CRHBP: variants seen among roughly 807,000 people sequenced by gnomAD.
The protein encoded by CRHBP is corticotropin releasing hormone binding protein, also known as corticotropin-releasing hormone-binding protein.
Under a neutral mutation model 34.9 loss-of-function variants are expected in CRHBP, and 19 were observed. The observed-to-expected ratio is 0.55, with a 90% CI of 0.38 to 0.80. CRHBP has a LOEUF of 0.80. Among genes scored for constraint, CRHBP ranks in the 30% least tolerant of loss-of-function variants. CRHBP has a pLI of 0.00. For synonymous variants in CRHBP, 154 were observed against 153.4 expected, an observed-to-expected ratio of 1.00 and a Z score of -0.03; for missense variants, 328 against 409.2, an observed-to-expected ratio of 0.80 and a Z score of 1.71.
intron 3 of CRHBP, among the ~76,000 whole-genome samples, chr5:76,980,171 C>T (rs2150712981): frequency 1.4e-5 from 2 of 145,422 alleles, no homozygotes; most frequent in Middle Eastern, 7.2e-3. Flanking sequence ...AGGAGAATGG[C>T]GTGAACCCGG....
At position 76,955,639 on chromosome 5, in the gene CRHBP, T is replaced by C. The variant is rs1311424719; in HGVS notation, c.334-14T>C. The stretch of plus-strand genomic sequence containing the variant: ...ATGGAAATGATAGCATCTATGTCTG[T>C]ATTTTTTTCAAAGGTATTTGATGGT... On this transcript the variant is annotated splice_polypyrimidine_tract_variant and intron_variant, in intron 3 of 6. Coordinates refer to ENST00000274368, the MANE Select transcript of CRHBP (RefSeq NM_001882.4). 3 of 1,612,930 alleles carry C rather than the reference T, an allele frequency of 1.9e-6. No homozygotes were observed. The highest frequency in any genetic ancestry group is 1.7e-6 in the Non-Finnish European group (2 of 1,179,000).
chr5:76,972,357 G>A (rs1007358132), downstream of CRHBP, among the ~76,000 whole-genome samples: 3 of 152,000 alleles, frequency 2.0e-5, no homozygotes, highest in Non-Finnish European at 2.9e-5. Context: ...AAAATTAGCC[G>A]GGCATGGAGG....
At chr5:76,973,034 A>G (rs1472632751), downstream of CRHBP, among the ~76,000 whole-genome samples, 1 of 152,226 alleles carries the variant, frequency 6.6e-6, no homozygotes, top group Non-Finnish European at 1.5e-5. Flanking sequence ...CATAGGATGC[A>G]AGAAGCCTGC....
chr5:76,953,473 A>T, intron 1 of CRHBP, 128 bp from the exon 2 acceptor site: 1 of 1,053,450 alleles, frequency 9.5e-7, no homozygotes. Flanking sequence ...TCTTCTCCGG[A>T]CACGGGAAAA....
intron 3 of CRHBP, among the ~76,000 whole-genome samples, chr5:76,977,337 A>G (rs1327343534): frequency 6.6e-6 from 1 of 152,220 alleles, no homozygotes; most frequent in East Asian, 1.9e-4. Flanking sequence ...TATGTTTTCT[A>G]CAAGTAGAAG....
intron 5 of CRHBP, among the ~76,000 whole-genome samples, chr5:76,960,411 G>A (rs887599770): frequency 2.0e-5 from 3 of 152,122 alleles, no homozygotes; most frequent in Non-Finnish European, 4.4e-5. Flanking sequence ...AGAGTGTGGT[G>A]AGCCCTGCAG....
At chr5:76,974,971 G>A (rs79068218) in intron 2 of CRHBP, among the ~76,000 whole-genome samples, 3,336 of 152,280 alleles carry the variant, frequency 0.022, 124 homozygotes, top group African/African-American at 0.077. Flanking sequence ...CTGAAAAACT[G>A]AAAACAGGAA....
Position 76,975,803 on chromosome 5 carries a change from CAAAAAAAAAAAA to C in CRHBP, n.312-550_312-539del, listed in dbSNP as rs1158363151. 7.9e-4 allele frequency among the ~76,000 whole-genome samples: 28 copies of C among 35,222 alleles called. 2 individuals are homozygous for C. Among genetic ancestry groups the C allele is most frequent in the Admixed American group, 5.9e-3 (13 of 2,218 alleles). 23.1% of individuals were successfully genotyped at this position (35,222 alleles called of 152,430 possible). A position where few individuals can be genotyped will look rare whatever the true frequency, so the allele number is the denominator to read the frequency against. Reference sequence around the variant, plus strand: ...TGGGCAACAGAGCGAGACTCTGTCTCAAAAAAAAAAAAAAAAAAAAAAATATATATATATATA... The same window carrying C: ...TGGGCAACAGAGCGAGACTCTGTCTCAAAAAAAAAAATATATATATATATA... On this transcript the variant is annotated intron_variant and non_coding_transcript_variant, in intron 2 of 3. Transcript: ENST00000514258.
chr5:76,966,546 GT>G (rs1252659994), intron 6 of CRHBP, among the ~76,000 whole-genome samples: 2 of 152,086 alleles, frequency 1.3e-5, no homozygotes, highest in Non-Finnish European at 2.9e-5. Flanking sequence ...TTTCCTTTTG[GT>G]TCAGCTTTAG....
chr5:76,960,269 C>A (rs1398442902), intron 5 of CRHBP, among the ~76,000 whole-genome samples: 1 of 152,106 alleles, frequency 6.6e-6, no homozygotes, highest in African/African-American at 2.4e-5. Flanking sequence ...TCAGAAGGAA[C>A]CAGCAGCTGT....
At position 76,955,717 on chromosome 5, in the gene CRHBP, C is replaced by T; in HGVS notation, c.398C>T (p.Ser133Leu). 1 of 1,614,224 alleles carries T rather than the reference C, an allele frequency of 6.2e-7. No individual in the cohort carries two copies. Among genetic ancestry groups the T allele is most frequent in the Non-Finnish European group, 8.5e-7 (1 of 1,180,036 alleles). ...FPSSQDHPLPSAERYIDFCES... is the reference protein window; with the variant it reads ...FPSSQDHPLPLAERYIDFCES... ...AGTTCCCAGGATCATCCTCTCCCCT[C>T]AGCTGAGCGGTACATAGATTTCTGT... Residue 133 changes from serine to leucine, a missense_variant, in exon 4 of 7, where the codon TCA (serine) becomes TTA (leucine). Ser to Leu is a moderately radical substitution (Grantham distance 145, BLOSUM62 -2). This residue lies in a region of CRHBP where 173 missense variants were observed against 172.2 expected (regional missense o/e 1.00). Coordinates refer to ENST00000274368, the MANE Select transcript of CRHBP (RefSeq NM_001882.4).
chr5:76,963,574 T>C, intron 6 of CRHBP, 114 bp downstream of exon 6: 1 of 836,802 alleles, frequency 1.2e-6, no homozygotes, highest in South Asian at 1.6e-5. Context: ...GCCTTCAATT[T>C]TTCACACTGA....
chr5:76,954,409 T>A (rs1025262396), intron 3 of CRHBP, among the ~76,000 whole-genome samples: 1 of 152,224 alleles, frequency 6.6e-6, no homozygotes, highest in Non-Finnish European at 1.5e-5. Context: ...CCAGTGGGGC[T>A]GGGGCCGGTG....
At chr5:76,953,254 C>T (rs1745598822) in intron 1 of CRHBP, 39 bp downstream of exon 1, 3 of 1,589,736 alleles carry the variant, frequency 1.9e-6, no homozygotes, top group Non-Finnish European at 2.6e-6. Flanking sequence ...ACCTTCCTTG[C>T]GTGTTAGCCC....
Position 76,954,040 on chromosome 5 carries a change from A to T in CRHBP, c.187A>T (p.Met63Leu). ...CCCTCCTCCCCCAGGGTGCCTGGAC[A>T]TGCTGAGCCTCCAGGGCCAGTTCAC... ...PYRRALRCLD[M>L]LSLQGQFTFT... Residue 63 changes from methionine to leucine, a missense_variant, in exon 3 of 7, where the codon ATG (methionine) becomes TTG (leucine). By Grantham distance (15) the Met-to-Leu change is conservative. Around this residue, in one of 3 missense-constraint regions of CRHBP, gnomAD observed 173 missense variants for 172.2 expected, o/e 1.00. Transcript: ENST00000274368. 6.2e-7 allele frequency: 1 copy of T among 1,613,424 alleles called. No homozygotes were observed. Among genetic ancestry groups the T allele is most frequent in the South Asian group, 1.1e-5 (1 of 91,044 alleles).
chr5:76,979,584 C>T (rs571646352), intron 3 of CRHBP, among the ~76,000 whole-genome samples: 58 of 152,258 alleles, frequency 3.8e-4, no homozygotes, highest in African/African-American at 1.3e-3. Context: ...CTCCTGACCT[C>T]ATGATCCGCC....
chr5:76,972,614 G>C (rs1248013551), downstream of CRHBP, among the ~76,000 whole-genome samples: 1 of 152,200 alleles, frequency 6.6e-6, no homozygotes, highest in Non-Finnish European at 1.5e-5. Context: ...TTATAGGCAT[G>C]AGCCACTGCA....
At chr5:76,978,019 C>T (rs777335019) in intron 3 of CRHBP, among the ~76,000 whole-genome samples, 1 of 152,154 alleles carries the variant, frequency 6.6e-6, no homozygotes, top group Non-Finnish European at 1.5e-5. Context: ...AAAACCTAAT[C>T]CAGAGCAAGG....
intron 6 of CRHBP, among the ~76,000 whole-genome samples, chr5:76,964,390 G>T (rs1227991694): frequency 1.3e-5 from 2 of 152,232 alleles, no homozygotes; most frequent in Non-Finnish European, 2.9e-5. Context: ...AAAGCAGACA[G>T]TCCTCTTGAT....
Sources: allele counts gnomAD v4.1 joint callset (sites outside exome capture counted in the v4.1 genomes callset), GRCh38; gene constraint gnomAD v4.1.1; regional missense constraint gnomAD v4.1.1; transcripts MANE v1.5; gene names NCBI Gene and HGNC (gene_info 2026-07-23, HGNC 2026-07-21).